VNN1: variants seen among roughly 807,000 people sequenced by gnomAD.
VNN1 encodes vanin 1.
In VNN1, 29 loss-of-function variants were observed where a neutral mutation model predicts 41.9. The observed-to-expected ratio is 0.69, with a 90% CI of 0.52 to 0.94. The LOEUF (loss-of-function observed/expected upper bound fraction) is 0.94. VNN1 is among the 40% of genes least tolerant of loss of function. The pLI, the probability that VNN1 is intolerant of heterozygous loss-of-function variation, is 0.00. For synonymous variants in VNN1, 233 were observed against 224.4 expected (o/e 1.04, Z -0.34); for missense variants, 637 against 621.1 (o/e 1.03, Z -0.27).
intron 2 of VNN1, among the ~76,000 whole-genome samples, chr6:132,695,686 A>G (rs1778359367): frequency 6.6e-6 from 1 of 152,132 alleles, no homozygotes; most frequent in South Asian, 2.1e-4. Context: ...TCTCCTTTGG[A>G]TAGTGAGACA....
At chr6:132,685,844 C>T (rs1396788489) in intron 5 of VNN1, among the ~76,000 whole-genome samples, 1 of 152,136 alleles carries the variant, frequency 6.6e-6, no homozygotes, top group Non-Finnish European at 1.5e-5. Flanking sequence ...AGAATGTTTC[C>T]AGAGAGGGTA....
intron 2 of VNN1, among the ~76,000 whole-genome samples, chr6:132,705,246 T>C (rs1562220181): frequency 6.6e-6 from 1 of 152,090 alleles, no homozygotes; most frequent in Non-Finnish European, 1.5e-5. Context: ...CCAACATCCC[T>C]GATGAACATT....
chr6:132,712,126 C>T (rs531482664), intron 1 of VNN1, among the ~76,000 whole-genome samples: 392 of 146,080 alleles, frequency 2.7e-3, no homozygotes, highest in Middle Eastern at 7.2e-3. Flanking sequence ...GAGGTTTGGG[C>T]TTCTAGTCAA....
At position 132,713,899 on chromosome 6, in the gene VNN1, C is replaced by G. The variant is rs371314791; in HGVS notation, c.137G>C (p.Arg46Pro). Residue 46 changes from arginine (R) to proline (P), a missense_variant, in exon 1 of 7, where the codon CGT becomes CCT. By Grantham distance (103) the Arg-to-Pro change is moderately radical. Coordinates refer to ENST00000367928, the MANE Select transcript of VNN1 (RefSeq NM_004666.3). The part of the protein sequence containing the change: ...LPNATLTPVS[R>P]EEALALMNRN... ...ATTCATTAATGCCAAAGCCTCCTCA[C>G]GAGACACTGGTGTTAGGGTGGCATT... 1 of 1,614,008 alleles carries G rather than the reference C, an allele frequency of 6.2e-7. No homozygotes were observed. The highest frequency in any genetic ancestry group is 1.7e-4 in the Middle Eastern group (1 of 5,922).
chr6:132,697,990 C>A (rs189662048), intron 2 of VNN1, among the ~76,000 whole-genome samples: 1 of 152,286 alleles, frequency 6.6e-6, no homozygotes, highest in East Asian at 1.9e-4. Flanking sequence ...ACATATTTTC[C>A]TACTGACTCT....
rs536713084 is a variant in VNN1, at chr6:132,694,067, G to A, written c.457C>T (p.Pro153Ser). The change falls in exon 3 of 7, where the codon CCC (proline) becomes TCC (serine). Residue 153 changes from proline (P) to serine (S), a missense_variant. Physicochemically the swap from Pro to Ser is moderately conservative, Grantham distance 74. Transcript: ENST00000367928. ...TTGTATTGGTAACGGCCATCAGGGG[G>A]ACACTGAGGATCACTGGTATCGCAT... ...KPCDTSDPQC[P>S]PDGRYQYNTD... is the part of the protein sequence containing the mutation. 48 of 1,614,176 alleles carry A rather than the reference G, an allele frequency of 3.0e-5. No individual in the cohort carries two copies. The South Asian group carries it at 5.2e-4, about 17-fold the overall frequency.
intron 3 of VNN1, 89 bp from the exon 4 acceptor site, chr6:132,693,404 T>G (rs111813842): frequency 1.6e-6 from 2 of 1,265,168 alleles, no homozygotes; most frequent in Non-Finnish European, 2.1e-6. Flanking sequence ...AGCTCACATC[T>G]TAGTGCCAAT....
At chr6:132,693,920 A>G (rs1582771062) in intron 3 of VNN1, 70 bp downstream of exon 3, 1 of 1,543,042 alleles carries the variant, frequency 6.5e-7, no homozygotes, top group East Asian at 2.2e-5. Context: ...TATCAATAAC[A>G]TATTTTTCTC....
chr6:132,697,507 G>A (rs1778390968), intron 2 of VNN1, among the ~76,000 whole-genome samples: 1 of 151,872 alleles, frequency 6.6e-6, no homozygotes, highest in Admixed American at 6.6e-5. Context: ...TCCCAGTAAA[G>A]CAATTAAAAT....
chr6:132,709,645 C>T (rs1267161442), intron 2 of VNN1, among the ~76,000 whole-genome samples: 3 of 138,786 alleles, frequency 2.2e-5, no homozygotes, highest in Non-Finnish European at 4.5e-5. Flanking sequence ...GCTTGGGCGA[C>T]ACAGAGTCTC....
At position 132,700,175 on chromosome 6, in the gene VNN1, A is replaced by C. The variant is rs183686825; in HGVS notation, c.342-5993T>G. On this transcript the variant is annotated intron_variant, in intron 2 of 6. Transcript: ENST00000367928. ...GTAAGATATGGCAGATGGTCTCCAC[A>C]TTGGGTTTCTGAAAACTGTCAGGGT... 1.7e-3 allele frequency among the ~76,000 whole-genome samples: 260 copies of C among 152,340 alleles called. 1 individual carries two copies. The highest frequency in any genetic ancestry group is 6.0e-3 in the African/African-American group (250 of 41,580).
intron 5 of VNN1, 68 bp from the exon 6 acceptor site, chr6:132,684,573 A>G (rs1778180430): frequency 6.4e-7 from 1 of 1,555,826 alleles, no homozygotes; most frequent in Non-Finnish European, 8.8e-7. Context: ...TGCTTGATTT[A>G]ATCATTTCAC....
intron 2 of VNN1, among the ~76,000 whole-genome samples, chr6:132,696,887 T>A (rs1183444977): frequency 2.6e-5 from 4 of 151,970 alleles, no homozygotes. Context: ...GTGGAACACC[T>A]GAGGTCAGGA....
intron 2 of VNN1, among the ~76,000 whole-genome samples, chr6:132,695,790 C>A (rs1468615589): frequency 6.6e-6 from 1 of 152,070 alleles, no homozygotes; most frequent in African/African-American, 2.4e-5. Context: ...TCTAAGAAGA[C>A]CTTAAATTTA....
At chr6:132,711,562 C>T (rs2114378154) in intron 2 of VNN1, 147 bp downstream of exon 2, 2 of 879,490 alleles carry the variant, frequency 2.3e-6, no homozygotes, top group Non-Finnish European at 3.2e-6. Context: ...TTTGCTCTCC[C>T]AGTAAATATA....
In VNN1 at chr6:132,683,307, G is replaced by T; in HGVS notation, c.1375C>A (p.Arg459Ser). The T allele has an allele frequency of 6.2e-7, 1 of 1,613,514 alleles. No homozygotes were observed. The stretch of plus-strand genomic sequence containing the variant: ...GATGTTGGCTTCAGACTAAACAAGC[G>T]TCCGTCAGTTGACACCTGATTAAAA... ...PGEFQVSTDGRLFSLKPTSGP... is the reference protein window; with the variant it reads ...PGEFQVSTDGSLFSLKPTSGP... Residue 459 changes from arginine to serine, a missense_variant, in exon 7 of 7, where the codon CGC (arginine) becomes AGC (serine). Physicochemically the swap from Arg to Ser is moderately radical, Grantham distance 110. Transcript: ENST00000367928.
At chr6:132,711,430 C>G (rs910034711) in intron 2 of VNN1, among the ~76,000 whole-genome samples, 1 of 150,644 alleles carries the variant, frequency 6.6e-6, no homozygotes, top group African/African-American at 2.4e-5. Flanking sequence ...AAATCACAGA[C>G]CTACACAGGG....
chr6:132,694,469 C>T (rs1778338746), intron 2 of VNN1, among the ~76,000 whole-genome samples: 1 of 152,116 alleles, frequency 6.6e-6, no homozygotes, highest in Non-Finnish European at 1.5e-5. Flanking sequence ...ACGTGTTTGT[C>T]TTATAATGTC....
intron 2 of VNN1, among the ~76,000 whole-genome samples, chr6:132,709,145 C>T (rs1778559003): frequency 6.6e-6 from 1 of 151,922 alleles, no homozygotes; most frequent in Non-Finnish European, 1.5e-5. Flanking sequence ...CACCTCATAT[C>T]ATAGATAGGT....
Sources: gnomAD v4.1 joint callset for allele counts (sites outside exome capture counted in the v4.1 genomes callset) on GRCh38, gnomAD v4.1.1 for gene constraint, MANE v1.5 for transcripts, NCBI Gene and HGNC (gene_info 2026-07-23, HGNC 2026-07-21) for gene names.